DHRS12: variants seen among roughly 807,000 people sequenced by gnomAD.
DHRS12 encodes the protein dehydrogenase/reductase 12.
DHRS12 carries 29 observed loss-of-function variants against 32.1 expected under a neutral mutation model. That is an observed-to-expected ratio of 0.90 (90% CI 0.67 to 1.23). DHRS12 has a LOEUF of 1.23. Among genes scored for constraint, DHRS12 ranks in the 50% most tolerant of loss-of-function variants. The pLI, the probability that DHRS12 is intolerant of heterozygous loss-of-function variation, is 0.00. For synonymous variants in DHRS12, 150 were observed against 135.9 expected, an observed-to-expected ratio of 1.10 and a Z score of -0.72; for missense variants, 330 against 337.2, an observed-to-expected ratio of 0.98 and a Z score of 0.17.
At chr13:51,757,736 T>C in the DHRS12 span, among the ~76,000 whole-genome samples, 1 of 152,038 alleles carries the variant, frequency 6.6e-6, no homozygotes, top group Non-Finnish European at 1.5e-5. Flanking sequence ...AAGTCTTCAG[T>C]CATACCAGTG....
At position 51,791,829 on chromosome 13, in the gene DHRS12, C is replaced by A. The variant is rs1002973381; in HGVS notation, c.127-572G>T. On this transcript the variant is annotated intron_variant, in intron 2 of 8. Transcript: ENST00000444610. ...CTATGAATTCTGAGTACTATGGCTA[C>A]CTCACATAAGTGAAATCGAATAGTC... is the stretch of plus-strand genomic sequence containing the variant. Among the ~76,000 whole-genome samples, 98 of 152,340 alleles carry A rather than the reference C, an allele frequency of 6.4e-4. 1 individual carries two copies. The highest frequency in any genetic ancestry group is 6.4e-3 in the Admixed American group (98 of 15,302).
intron 2 of DHRS12, among the ~76,000 whole-genome samples, chr13:51,799,165 T>G (rs1955640066): frequency 6.6e-6 from 1 of 152,202 alleles, no homozygotes; most frequent in African/African-American, 2.4e-5. Flanking sequence ...CAGGAGAGTC[T>G]CATTGAGAAG....
chr13:51,769,272 C>A lies in DHRS12; in HGVS notation c.581G>T (p.Gly194Val). ...GCGGTCCCCGAACCTGGCGTGGAAC[C>A]CCGGCATCGCCTGCCTCACACCTGG... ...DTPGVRQAMP[G>V]FHARFGDRLR... is the part of the protein sequence containing the mutation. Residue 194 changes from glycine (G) to valine (V), a missense_variant, in exon 8 of 9, where the codon GGG (glycine) becomes GTG (valine). Physicochemically the swap from Gly to Val is moderately radical, Grantham distance 109 (BLOSUM62 -3). Transcript: ENST00000444610. The A allele has an allele frequency of 6.3e-7, 1 of 1,579,814 alleles. No homozygotes were observed.
chr13:51,768,947 A>G, intron 8 of DHRS12: 1 of 1,400,908 alleles, frequency 7.1e-7, no homozygotes, highest in Non-Finnish European at 9.2e-7. Context: ...CAGGGTTATC[A>G]CAAGTCTCCA....
intron 2 of DHRS12, among the ~76,000 whole-genome samples, chr13:51,799,179 T>C (rs1003048482): frequency 3.9e-5 from 6 of 152,338 alleles, no homozygotes; most frequent in African/African-American, 1.2e-4. Flanking sequence ...TGAGAAGACA[T>C]GAGTTAGAGA....
At chr13:51,768,658 C>G in intron 8 of DHRS12, 1 of 1,136,012 alleles carries the variant, frequency 8.8e-7, no homozygotes, top group Non-Finnish European at 1.1e-6. Flanking sequence ...AGCAAAGAGC[C>G]TGGCTTCCAC....
At chr13:51,757,552 C>T in the DHRS12 span, among the ~76,000 whole-genome samples, 15 of 151,840 alleles carry the variant, frequency 9.9e-5, no homozygotes, top group Admixed American at 9.2e-4. Context: ...GCACCTTTTC[C>T]CGCCTCTGTT....
intron 1 of DHRS12, chr13:51,803,720 G>C (rs994482930): frequency 8.9e-6 from 2 of 224,922 alleles, no homozygotes; most frequent in African/African-American, 4.6e-5. Flanking sequence ...ACTTCCACGA[G>C]CACACCCAGC....
chr13:51,796,977 G>T (rs553169417), intron 2 of DHRS12, among the ~76,000 whole-genome samples: 14 of 152,282 alleles, frequency 9.2e-5, no homozygotes, highest in East Asian at 1.9e-4. Flanking sequence ...TTTGACCAGG[G>T]TCCATGCCTG....
intron 2 of DHRS12, among the ~76,000 whole-genome samples, chr13:51,795,013 C>G (rs1457453479): frequency 6.6e-6 from 1 of 152,108 alleles, no homozygotes; most frequent in Non-Finnish European, 1.5e-5. Flanking sequence ...CCACACATAA[C>G]CTCTCTGAAA....
chr13:51,760,085 CCCCA>C, the DHRS12 span: 2 of 253,040 alleles, frequency 7.9e-6, no homozygotes, highest in Non-Finnish European at 1.5e-5. Flanking sequence ...CTTTTCAACA[CCCCA>C]TTTTACTTGT....
At chr13:51,786,935 T>C (rs1047825524) in intron 4 of DHRS12, among the ~76,000 whole-genome samples, 2 of 152,194 alleles carry the variant, frequency 1.3e-5, no homozygotes, top group African/African-American at 4.8e-5. Flanking sequence ...GCCAGCAATT[T>C]TCCAGGACTC....
intron 5 of DHRS12, among the ~76,000 whole-genome samples, chr13:51,776,702 T>C (rs1413160664): frequency 1.3e-5 from 2 of 152,186 alleles, no homozygotes; most frequent in East Asian, 1.9e-4. Context: ...CAGGCTCCAG[T>C]AGCCAGTCCC....
At chr13:51,794,131 C>T (rs1006745504) in intron 2 of DHRS12, among the ~76,000 whole-genome samples, 1 of 152,208 alleles carries the variant, frequency 6.6e-6, no homozygotes, top group Admixed American at 6.5e-5. Flanking sequence ...GAAACAGGTG[C>T]ATGTGTGTAA....
intron 8 of DHRS12, chr13:51,768,890 T>C: frequency 7.3e-7 from 1 of 1,371,160 alleles, no homozygotes; most frequent in Non-Finnish European, 9.4e-7. Flanking sequence ...AAATCTTCCA[T>C]TCCCAAGGTA....
intron 4 of DHRS12, among the ~76,000 whole-genome samples, chr13:51,785,995 C>T (rs1954936949): frequency 6.6e-6 from 1 of 152,230 alleles, no homozygotes; most frequent in Non-Finnish European, 1.5e-5. Context: ...GGACTGTGCT[C>T]AGTATGTGCT....
chr13:51,777,176 G>A (rs559357886), intron 4 of DHRS12, 55 bp from the exon 5 acceptor site: 564 of 1,601,404 alleles, frequency 3.5e-4, no homozygotes, highest in Non-Finnish European at 4.6e-4. Context: ...CAACTCAAGG[G>A]GTCCTGCAGG....
intron 4 of DHRS12, among the ~76,000 whole-genome samples, chr13:51,787,992 A>G (rs1955073743): frequency 1.4e-5 from 2 of 147,346 alleles, no homozygotes; most frequent in Admixed American, 1.4e-4. Context: ...GCCCGGCCGC[A>G]GCGAACACTT....
At chr13:51,769,415 A>G (rs9596572) in intron 7 of DHRS12, 122 bp from the exon 8 acceptor site, 77,804 of 848,560 alleles carry the variant, frequency 0.092, 4,782 homozygotes, top group Admixed American at 0.22. Flanking sequence ...TGCTCCTTCT[A>G]TTTTATAGCA....
Sources: allele counts gnomAD v4.1 joint callset (sites outside exome capture counted in the v4.1 genomes callset), GRCh38; gene constraint gnomAD v4.1.1; transcripts MANE v1.5; gene names NCBI Gene and HGNC (gene_info 2026-07-23, HGNC 2026-07-21).